The following R3HDM2 variants were observed in gnomAD, a reference collection of about 807,000 sequenced individuals.
R3HDM2 encodes the protein R3H domain containing 2.
In R3HDM2, 38 loss-of-function variants were observed where a neutral mutation model predicts 124.5. The ratio of observed to expected loss-of-function variants is 0.31; its 90% CI spans 0.24 to 0.40. R3HDM2 has a LOEUF of 0.40. Ranked by LOEUF, R3HDM2 falls within the 10% of genes least tolerant of loss-of-function variation. The pLI, the probability that R3HDM2 is intolerant of heterozygous loss-of-function variation, is 1.00. For missense variants in R3HDM2, 869 were observed against 1,236.9 expected (o/e 0.70, Z 4.46); for synonymous variants, 391 against 448.0 (o/e 0.87, Z 1.61).
At chr12:57,417,713 C>T (rs538776156) in intron 1 of R3HDM2, among the ~76,000 whole-genome samples, 1 of 152,300 alleles carries the variant, frequency 6.6e-6, no homozygotes, top group East Asian at 1.9e-4. Context: ...CAGTCCTCCA[C>T]TGGCACAAGT....
At chr12:57,317,210 G>GA (rs1555253895) in intron 2 of R3HDM2, among the ~76,000 whole-genome samples, 5 of 143,200 alleles carry the variant, frequency 3.5e-5, no homozygotes, top group African/African-American at 1.3e-4. Context: ...TTGTTTTTTT[G>GA]TTTTTTTTTT....
At chr12:57,283,338 T>G (rs2046607820) in intron 13 of R3HDM2, among the ~76,000 whole-genome samples, 1 of 151,042 alleles carries the variant, frequency 6.6e-6, no homozygotes, top group South Asian at 2.1e-4. Flanking sequence ...TGAAAGAAAA[T>G]GAGGAGGACT....
At chr12:57,297,901 A>G in intron 7 of R3HDM2, 189 bp downstream of exon 7, 1 of 588,564 alleles carries the variant, frequency 1.7e-6, no homozygotes, top group Middle Eastern at 3.6e-4. Flanking sequence ...TCTTCTGAAA[A>G]CAGAAACCTC....
chr12:57,328,728 G>A (rs189021263), intron 2 of R3HDM2, among the ~76,000 whole-genome samples: 1 of 152,024 alleles, frequency 6.6e-6, no homozygotes, highest in Admixed American at 6.6e-5. Flanking sequence ...TGAAATTAAG[G>A]TATGTACTTT....
chr12:57,296,264 C>G lies in R3HDM2; in HGVS notation c.701+147G>C. On this transcript the variant is annotated intron_variant, in intron 9 of 23. Transcript: ENST00000402412. The surrounding 1 kb of genome is among the most constrained non-coding windows in gnomAD (Gnocchi z 4.5). Reference sequence around the variant, plus strand: ...AACTCCTGGCTTCAAGCAGTCTTCCCATCTTGGCCTCCCAAAGTGCTGGGA... The same window carrying G: ...AACTCCTGGCTTCAAGCAGTCTTCCGATCTTGGCCTCCCAAAGTGCTGGGA... 2 of 855,492 alleles carry G rather than the reference C, an allele frequency of 2.3e-6. No individual in the cohort carries two copies. Among genetic ancestry groups the G allele is most frequent in the Non-Finnish European group, 3.6e-6 (2 of 559,118 alleles). The allele number at this position is 855,492 out of a possible 1,614,324, so 53.0% of individuals were successfully genotyped here.
chr12:57,340,673 A>C (rs966266381), intron 2 of R3HDM2, among the ~76,000 whole-genome samples: 4 of 152,266 alleles, frequency 2.6e-5, no homozygotes, highest in Non-Finnish European at 5.9e-5. Context: ...AGTAAATGAA[A>C]GCACAGAACA....
intron 2 of R3HDM2, among the ~76,000 whole-genome samples, chr12:57,357,287 C>G (rs1261101049): frequency 1.3e-5 from 2 of 151,782 alleles, no homozygotes; most frequent in East Asian, 3.9e-4. Flanking sequence ...CATAGCAAAA[C>G]CCCATCTTTA....
chr12:57,304,659 G>T, intron 3 of R3HDM2: 3 of 309,728 alleles, frequency 9.7e-6, no homozygotes, highest in Non-Finnish European at 1.4e-5. Context: ...GAAATATGAA[G>T]CAGTATTTGT....
intron 2 of R3HDM2, among the ~76,000 whole-genome samples, chr12:57,365,842 A>C (rs2137756614): frequency 6.6e-6 from 1 of 152,104 alleles, no homozygotes; most frequent in South Asian, 2.1e-4. Flanking sequence ...AGGCTGAGGC[A>C]GGAGAACTGC....
At chr12:57,306,907 T>G (rs897679505) in intron 3 of R3HDM2, among the ~76,000 whole-genome samples, 5 of 151,972 alleles carry the variant, frequency 3.3e-5, no homozygotes, top group Admixed American at 1.3e-4. Flanking sequence ...CCCAGCTACT[T>G]GGGAGGCTGA....
chr12:57,414,400 A>G (rs907183356), intron 1 of R3HDM2, among the ~76,000 whole-genome samples: 2 of 146,188 alleles, frequency 1.4e-5, no homozygotes, highest in South Asian at 2.3e-4. Flanking sequence ...CTGAGGCATG[A>G]GAACTGCTTG....
At chr12:57,417,662 A>C (rs974697926) in intron 1 of R3HDM2, among the ~76,000 whole-genome samples, 3 of 152,222 alleles carry the variant, frequency 2.0e-5, no homozygotes, top group Non-Finnish European at 4.4e-5. Context: ...AATATATCCA[A>C]AATCAAAGAA....
intron 7 of R3HDM2, 71 bp from the exon 8 acceptor site, chr12:57,297,458 G>A: frequency 1.1e-6 from 1 of 928,280 alleles, no homozygotes. Context: ...TGAAAGTGGG[G>A]ATTGAAAACA....
At chr12:57,349,118 C>A (rs190872736) in intron 2 of R3HDM2, among the ~76,000 whole-genome samples, 8 of 152,100 alleles carry the variant, frequency 5.3e-5, no homozygotes, top group Non-Finnish European at 1.0e-4. Context: ...TGGTGGCTCA[C>A]GCCTGTAGTC....
intron 2 of R3HDM2, among the ~76,000 whole-genome samples, chr12:57,357,958 T>C (rs1006175132): frequency 1.3e-5 from 2 of 151,834 alleles, no homozygotes; most frequent in African/African-American, 2.4e-5. Flanking sequence ...TTTCCAGATA[T>C]TGTTATGTTA....
intron 1 of R3HDM2, among the ~76,000 whole-genome samples, chr12:57,398,002 T>C (rs2067724214): frequency 6.6e-6 from 1 of 151,690 alleles, no homozygotes; most frequent in Non-Finnish European, 1.5e-5. Context: ...GCCAACACAG[T>C]GAAACCCCGT....
intron 2 of R3HDM2, among the ~76,000 whole-genome samples, chr12:57,324,581 A>C (rs895114799): frequency 6.6e-6 from 1 of 152,270 alleles, no homozygotes; most frequent in Non-Finnish European, 1.5e-5. Context: ...AATAATCATT[A>C]GTCCTCAAGC....
chr12:57,405,266 ATTTAAATTT>A (rs2068425077), intron 1 of R3HDM2, among the ~76,000 whole-genome samples: 76 of 152,236 alleles, frequency 5.0e-4, no homozygotes, highest in Admixed American at 5.0e-3. Flanking sequence ...CTTTAAAATC[ATTTAAATTT>A]CTCATAATGA....
intron 14 of R3HDM2, among the ~76,000 whole-genome samples, chr12:57,275,110 T>TA (rs1365546622): frequency 5.9e-5 from 9 of 152,122 alleles, no homozygotes; most frequent in African/African-American, 2.2e-4. Context: ...GGTACTGGTA[T>TA]AAAAATAGGC....
Sources: gnomAD v4.1 joint callset for allele counts (sites outside exome capture counted in the v4.1 genomes callset) on GRCh38, gnomAD v4.1.1 for gene constraint, Gnocchi (gnomAD v3.1) non-coding constraint, MANE v1.5 for transcripts, NCBI Gene and HGNC (gene_info 2026-07-23, HGNC 2026-07-21) for gene names.